PCM1: variants seen among roughly 807,000 people sequenced by gnomAD.
PCM1 encodes the protein pericentriolar material 1 protein.
PCM1 carries 157 observed loss-of-function variants against 241.9 expected under a neutral mutation model. The observed-to-expected ratio is 0.65, with a 90% CI of 0.57 to 0.74. The LOEUF is 0.74. Ranked by LOEUF, PCM1 falls within the 30% of genes least tolerant of loss-of-function variation. The probability of loss-of-function intolerance (pLI) is 0.00; values close to 1 mark genes in which losing one functional copy is unlikely to be tolerated. For synonymous variants in PCM1, 1,085 were observed against 784.9 expected (o/e 1.38, Z -6.39); for missense variants, 3,478 against 2,360.1 (o/e 1.47, Z -9.81).
intron 20 of PCM1, 124 bp from the exon 21 acceptor site, chr8:17,966,856 T>C: frequency 3.6e-6 from 3 of 827,470 alleles, no homozygotes; most frequent in Non-Finnish European, 5.6e-6. Flanking sequence ...ACGTATTTGT[T>C]ACAGTATCAG....
chr8:17,987,942 C>T lies in PCM1; in HGVS notation c.4410+1855C>T, dbSNP rs77891688. Reference sequence around the variant, plus strand: ...GATTCAGAGCCTCATTCTCTAGATGCTTCTATGCTTCTTGAGCTTCATTTT... The same window carrying T: ...GATTCAGAGCCTCATTCTCTAGATGTTTCTATGCTTCTTGAGCTTCATTTT... On this transcript the variant is annotated intron_variant, in intron 26 of 38. Coordinates refer to ENST00000325083, the MANE Select transcript of PCM1 (RefSeq NM_006197.4). 1.1e-3 allele frequency among the ~76,000 whole-genome samples: 162 copies of T among 151,854 alleles called. 4 individuals are homozygous for T. The East Asian group carries it at 0.029, about 27-fold the overall frequency.
chr8:17,955,705 T>C (rs1318379838), intron 10 of PCM1, 52 bp downstream of exon 10: 1 of 1,381,226 alleles, frequency 7.2e-7, no homozygotes, highest in African/African-American at 1.4e-5. Context: ...AGGGATAAAT[T>C]CTGTTTTTTT....
At chr8:17,956,044 A>G (rs144047709) in intron 10 of PCM1, 1 of 243,194 alleles carries the variant, frequency 4.1e-6, no homozygotes, top group African/African-American at 2.3e-5. Context: ...CTCATCTGCA[A>G]AATAGGGATG....
Position 18,010,604 on chromosome 8 carries a change from T to A in PCM1, c.5161-5T>A. The stretch of plus-strand genomic sequence containing the variant: ...TAAATTCTGTGTAATTGATTTGTTT[T>A]AAAGGCTAAAAGGATTCTTGAAGAT... On this transcript the variant is annotated splice_region_variant and splice_polypyrimidine_tract_variant and intron_variant, in intron 31 of 38. Coordinates refer to ENST00000325083, the MANE Select transcript of PCM1 (RefSeq NM_006197.4). 1 of 1,595,388 alleles carries A rather than the reference T, an allele frequency of 6.3e-7. No individual in the cohort carries two copies. Among genetic ancestry groups the A allele is most frequent in the Non-Finnish European group, 8.6e-7 (1 of 1,169,238 alleles).
At chr8:17,959,178 A>T (rs1194250986) in intron 13 of PCM1, among the ~76,000 whole-genome samples, 3 of 152,140 alleles carry the variant, frequency 2.0e-5, no homozygotes, top group African/African-American at 7.2e-5. Flanking sequence ...CTGTATATAT[A>T]ATACACTAAG....
intron 5 of PCM1, among the ~76,000 whole-genome samples, 162 bp downstream of exon 5, chr8:17,939,171 T>G (rs1206271571): frequency 6.6e-6 from 1 of 152,152 alleles, no homozygotes; most frequent in Non-Finnish European, 1.5e-5. Context: ...TAAAATAGAG[T>G]AAATTTCTGT....
Position 17,995,003 on chromosome 8 carries a change from T to C in PCM1, c.4827+1384T>C, listed in dbSNP as rs1024469876. 2.6e-5 allele frequency among the ~76,000 whole-genome samples: 4 copies of C among 151,680 alleles called. No individual in the cohort carries two copies. In the East Asian group the frequency reaches 7.7e-4, roughly 29 times the overall value. On this transcript the variant is annotated intron_variant, in intron 29 of 38. Coordinates refer to ENST00000325083, the MANE Select transcript of PCM1 (RefSeq NM_006197.4). ...TCTCTTCACTTTGTTGTTTGTTTCT[T>C]TTCTTGTGCAGAAGCTTTTTAACTT...
intron 6 of PCM1, among the ~76,000 whole-genome samples, chr8:17,944,295 A>G (rs2129452428): frequency 6.6e-6 from 1 of 152,290 alleles, no homozygotes; most frequent in African/African-American, 2.4e-5. Context: ...ACTAGAGCCT[A>G]AGAACCTGAT....
At chr8:17,975,919 C>T (rs1033917829) in intron 23 of PCM1, among the ~76,000 whole-genome samples, 1 of 152,140 alleles carries the variant, frequency 6.6e-6, no homozygotes, top group Admixed American at 6.6e-5. Context: ...TCCTGCCTTA[C>T]TGAGTTTTTC....
Position 17,935,691 on chromosome 8 carries a change from C to T in PCM1, c.81C>T (p.Asp27=), listed in dbSNP as rs745927598. ...ACTGGAGTAATGAGAATGTTGATGA[C>T]AGGCTCAACAATATGGTATGATTCC... ...LPNWSNENVD[D]RLNNMDWGAQ... Residue 27 remains aspartate, a synonymous_variant, in exon 3 of 39, where the codon GAC becomes GAT. Transcript: ENST00000325083. 12 of 1,432,348 alleles carry T rather than the reference C, an allele frequency of 8.4e-6. No homozygotes were observed. The Admixed American group carries it at 1.2e-4, about 14-fold the overall frequency. The allele number at this position is 1,432,348 out of a possible 1,614,324, so 88.7% of individuals were successfully genotyped here.
chr8:18,029,553 T>C lies in PCM1; in HGVS notation c.*1891T>C, dbSNP rs143052426. The stretch of plus-strand genomic sequence containing the variant: ...TGTATTTATATCTTAGTTATTACCA[T>C]AGTACCTATGAACCTTATCAAAATT... On this transcript the variant is annotated 3_prime_UTR_variant, in exon 39 of 39. Transcript: ENST00000325083. The C allele has an allele frequency of 0.018, 3,704 of 202,776 alleles. 62 individuals are homozygous for C. The highest frequency in any genetic ancestry group is 0.047 in the South Asian group (238 of 5,108). 12.6% of individuals were successfully genotyped at this position (202,776 alleles called of 1,614,324 possible).
At chr8:18,022,595 C>T (rs1269336149) in intron 36 of PCM1, among the ~76,000 whole-genome samples, 1 of 152,184 alleles carries the variant, frequency 6.6e-6, no homozygotes, top group Non-Finnish European at 1.5e-5. Context: ...GTTACAGAAG[C>T]AAAGGTATGT....
intron 21 of PCM1, among the ~76,000 whole-genome samples, chr8:17,968,530 A>G (rs998520579): frequency 6.6e-6 from 1 of 152,080 alleles, no homozygotes; most frequent in Admixed American, 6.6e-5. Flanking sequence ...GATAGAGTGA[A>G]TAAGTTAAGT....
In PCM1 at chr8:17,957,756, A is replaced by T; in HGVS notation, c.2021A>T (p.Asp674Val). Reference sequence around the variant, plus strand: ...AAACAGAAACTTAGACAGTTACAAGATCTTGTTGCTATGGTACAGGTAAAT... The same window carrying T: ...AAACAGAAACTTAGACAGTTACAAGTTCTTGTTGCTATGGTACAGGTAAAT... ...AAKQKLRQLQDLVAMVQDDDA... is the reference protein window; with the variant it reads ...AAKQKLRQLQVLVAMVQDDDA... The change falls in exon 13 of 39, where the codon GAT becomes GTT. Residue 674 changes from aspartate (D) to valine (V), a missense_variant. Asp to Val is a radical substitution (Grantham distance 152, BLOSUM62 -3). Transcript: ENST00000325083. The T allele has an allele frequency of 1.2e-6, 2 of 1,612,504 alleles. No individual in the cohort carries two copies. Among genetic ancestry groups the T allele is most frequent in the South Asian group, 2.2e-5 (2 of 91,026 alleles).
chr8:18,001,130 T>C (rs1177050116), intron 29 of PCM1, among the ~76,000 whole-genome samples: 1 of 152,204 alleles, frequency 6.6e-6, no homozygotes, highest in African/African-American at 2.4e-5. Context: ...TTGTAAGTTG[T>C]ACAAAAGCGG....
At position 18,027,630 on chromosome 8, in the gene PCM1, T is replaced by G; in HGVS notation, c.6050-7T>G. 10 of 1,573,826 alleles carry G rather than the reference T, an allele frequency of 6.4e-6. No homozygotes were observed. The highest frequency in any genetic ancestry group is 8.7e-6 in the Non-Finnish European group (10 of 1,151,730). ...AATTTATAAAGCATTTTTATTCTGT[T>G]TTTCAGAAACGGTGGGAGCCCAGAG... On this transcript the variant is annotated splice_polypyrimidine_tract_variant and splice_region_variant and intron_variant, in intron 38 of 38. Transcript: ENST00000325083.
At chr8:17,952,248 T>C (rs1240204877) in intron 8 of PCM1, among the ~76,000 whole-genome samples, 1 of 150,502 alleles carries the variant, frequency 6.6e-6, no homozygotes, top group Non-Finnish European at 1.5e-5. Flanking sequence ...AATAAATAAA[T>C]AAATAAAAAA....
Position 18,003,284 on chromosome 8 carries a change from G to T in PCM1, c.4828-2979G>T, listed in dbSNP as rs1477860333. Among the ~76,000 whole-genome samples the T allele has an allele frequency of 2.0e-5, 3 of 152,148 alleles. No homozygotes were observed. In the South Asian group the frequency reaches 6.2e-4, roughly 32 times the overall value. On this transcript the variant is annotated intron_variant, in intron 29 of 38. Transcript: ENST00000325083. Reference sequence around the variant, plus strand: ...GAATCTTCAACCCTCAACTGTAGTTGAGCTCTTTAGACGCTCTAAGTGTGA... The same window carrying T: ...GAATCTTCAACCCTCAACTGTAGTTTAGCTCTTTAGACGCTCTAAGTGTGA...
At position 17,957,773 on chromosome 8, in the gene PCM1, C is replaced by G. The variant is rs1283462056; in HGVS notation, c.2038C>G (p.Gln680Glu). The G allele has an allele frequency of 2.5e-6, 4 of 1,600,408 alleles. No individual in the cohort carries two copies. In the Admixed American group the frequency reaches 6.7e-5, roughly 27 times the overall value. ...GTTACAAGATCTTGTTGCTATGGTA[C>G]AGGTAAATATTGCTTGGTCTTTTAA... ...RQLQDLVAMV[Q>E]DDDAAQGVIS... is the part of the protein sequence containing the mutation. The change falls in exon 13 of 39, where the codon CAG becomes GAG. Residue 680 changes from glutamine (Q) to glutamate (E), a missense_variant and splice_region_variant. Transcript: ENST00000325083.
Sources: allele counts gnomAD v4.1 joint callset (sites outside exome capture counted in the v4.1 genomes callset), GRCh38; gene constraint gnomAD v4.1.1; transcripts MANE v1.5; gene names NCBI Gene and HGNC (gene_info 2026-07-23, HGNC 2026-07-21).